ERBB4: variants seen among roughly 807,000 people sequenced by gnomAD.
ERBB4 encodes receptor tyrosine-protein kinase erbB-4.
A neutral mutation model predicts 158.0 loss-of-function variants in ERBB4; 42 were observed. That is an observed-to-expected ratio of 0.27 (90% CI 0.21 to 0.34). The LOEUF (loss-of-function observed/expected upper bound fraction) is 0.34, where lower values mean the gene tolerates loss of function less well. Ranked by LOEUF, ERBB4 falls within the 10% of genes least tolerant of loss-of-function variation. The probability of loss-of-function intolerance (pLI) is 1.00; values close to 1 mark genes in which losing one functional copy is unlikely to be tolerated. For synonymous variants in ERBB4, 583 were observed against 558.7 expected, an observed-to-expected ratio of 1.04 and a Z score of -0.61; for missense variants, 1,333 against 1,624.1, an observed-to-expected ratio of 0.82 and a Z score of 3.08.
At chr2:212,261,467 T>G (rs2084941940) in intron 1 of ERBB4, among the ~76,000 whole-genome samples, 2 of 152,116 alleles carry the variant, frequency 1.3e-5, no homozygotes, top group Non-Finnish European at 2.9e-5. Flanking sequence ...TATGAGGATT[T>G]AGGGAGTAAG....
At chr2:211,997,909 T>TACACACACACACACACACACA (rs35510591) in intron 2 of ERBB4, among the ~76,000 whole-genome samples, 1 of 150,452 alleles carries the variant, frequency 6.6e-6, no homozygotes, top group Non-Finnish European at 1.5e-5. Context: ...CACACACACA[T>TACACACACACACACACACACA]CACACACACA....
At chr2:212,436,528 T>C (rs1424972648) in intron 1 of ERBB4, among the ~76,000 whole-genome samples, 2 of 152,092 alleles carry the variant, frequency 1.3e-5, no homozygotes, top group African/African-American at 2.4e-5. Context: ...TAAGTAGCTA[T>C]GTGATCTTGT....
chr2:211,448,341 GA>G (rs746318751), intron 20 of ERBB4, among the ~76,000 whole-genome samples: 5 of 152,074 alleles, frequency 3.3e-5, no homozygotes, highest in Non-Finnish European at 5.9e-5. Flanking sequence ...CCAGCTTGAA[GA>G]AGGTGAATCT....
chr2:211,561,690 A>C (rs1574753518), intron 20 of ERBB4: 2 of 557,646 alleles, frequency 3.6e-6, no homozygotes, highest in Admixed American at 5.9e-5. Flanking sequence ...CAATTCAATA[A>C]AAATGATACA....
chr2:211,652,305 C>T (rs531681848), intron 16 of ERBB4, among the ~76,000 whole-genome samples: 5 of 152,062 alleles, frequency 3.3e-5, no homozygotes, highest in Non-Finnish European at 7.4e-5. Flanking sequence ...TCTTTAATTC[C>T]AAAGTAAATT....
chr2:212,355,282 C>T (rs1359900059), intron 1 of ERBB4, among the ~76,000 whole-genome samples: 2 of 151,910 alleles, frequency 1.3e-5, no homozygotes, highest in African/African-American at 4.8e-5. Context: ...ATTATCTAGA[C>T]CCTAGGGTTT....
At chr2:212,365,249 T>C (rs555110920) in intron 1 of ERBB4, among the ~76,000 whole-genome samples, 1 of 151,888 alleles carries the variant, frequency 6.6e-6, no homozygotes, top group East Asian at 1.9e-4. Flanking sequence ...TCAAATTATC[T>C]TGTGAACTCT....
At chr2:211,697,622 A>G (rs115731488) in intron 12 of ERBB4, among the ~76,000 whole-genome samples, 5,441 of 152,274 alleles carry the variant, frequency 0.036, 322 homozygotes, top group African/African-American at 0.12. Flanking sequence ...AAGTTCACAT[A>G]TAAAGCAATT....
At chr2:211,626,551 T>G (rs1009390292) in intron 17 of ERBB4, among the ~76,000 whole-genome samples, 1 of 152,168 alleles carries the variant, frequency 6.6e-6, no homozygotes, top group African/African-American at 2.4e-5. Flanking sequence ...AGATAGGGAT[T>G]CTACGATTAT....
chr2:211,651,546 T>C (rs1004014349), intron 16 of ERBB4, among the ~76,000 whole-genome samples: 1 of 152,198 alleles, frequency 6.6e-6, no homozygotes, highest in African/African-American at 2.4e-5. Context: ...CCCAAATTTC[T>C]TGACCTGAAG....
chr2:212,144,912 T>A (rs1179917870), intron 1 of ERBB4, among the ~76,000 whole-genome samples: 1 of 152,180 alleles, frequency 6.6e-6, no homozygotes, highest in Non-Finnish European at 1.5e-5. Flanking sequence ...ACCAGAATTT[T>A]AAAAATATAA....
chr2:212,015,485 C>T (rs2076508180), intron 2 of ERBB4, among the ~76,000 whole-genome samples: 1 of 152,042 alleles, frequency 6.6e-6, no homozygotes, highest in Non-Finnish European at 1.5e-5. Context: ...ATCTTCCACT[C>T]AAAATTTTGT....
chr2:211,744,639 C>G (rs755631967), intron 5 of ERBB4, among the ~76,000 whole-genome samples: 2 of 152,146 alleles, frequency 1.3e-5, no homozygotes, highest in Non-Finnish European at 2.9e-5. Context: ...TCTCCCAGAG[C>G]CTGGGCCATT....
intron 1 of ERBB4, among the ~76,000 whole-genome samples, chr2:212,377,398 T>A (rs1418518984): frequency 2.6e-5 from 4 of 151,748 alleles, no homozygotes; most frequent in African/African-American, 9.7e-5. Flanking sequence ...TTACACAAAT[T>A]TAGGTGGTAT....
At chr2:211,523,841 C>G (rs1468123351) in intron 20 of ERBB4, among the ~76,000 whole-genome samples, 1 of 152,104 alleles carries the variant, frequency 6.6e-6, no homozygotes, top group African/African-American at 2.4e-5. Flanking sequence ...CTTTTATTCT[C>G]TTATCTGGCC....
At chr2:211,866,748 T>C (rs1575278844) in intron 3 of ERBB4, among the ~76,000 whole-genome samples, 1 of 152,294 alleles carries the variant, frequency 6.6e-6, no homozygotes, top group South Asian at 2.1e-4. Context: ...ATAAAAATCC[T>C]CAATTGTTTT....
At chr2:211,509,802 T>G (rs1441515948) in intron 20 of ERBB4, among the ~76,000 whole-genome samples, 1 of 152,032 alleles carries the variant, frequency 6.6e-6, no homozygotes, top group African/African-American at 2.4e-5. Context: ...AGACTTTGCT[T>G]GAAAGAAGAC....
intron 1 of ERBB4, among the ~76,000 whole-genome samples, chr2:212,450,173 A>C (rs1410105777): frequency 2.0e-5 from 3 of 152,158 alleles, no homozygotes; most frequent in African/African-American, 7.2e-5. Context: ...AATAACCTAA[A>C]TAGCAACAGA....
intron 2 of ERBB4, among the ~76,000 whole-genome samples, chr2:211,968,214 T>C (rs953502244): frequency 9.2e-5 from 14 of 152,038 alleles, no homozygotes; most frequent in African/African-American, 3.1e-4. Context: ...TTAGGCATCA[T>C]TGGTTTTTCA....
Sources: allele counts gnomAD v4.1 joint callset (sites outside exome capture counted in the v4.1 genomes callset), GRCh38; gene constraint gnomAD v4.1.1; transcripts MANE v1.5; gene names NCBI Gene and HGNC (gene_info 2026-07-23, HGNC 2026-07-21).